Variants in MACROD2 observed in about 807,000 individuals in gnomAD.
MACROD2 encodes mono-ADP ribosylhydrolase 2, also known as ADP-ribose glycohydrolase MACROD2.
Under a neutral mutation model 70.4 loss-of-function variants are expected in MACROD2, and 36 were observed. The observed-to-expected ratio is 0.51, with a 90% CI of 0.39 to 0.68. MACROD2 has a LOEUF of 0.68. MACROD2 is among the 30% of genes least tolerant of loss of function. The pLI, the probability that MACROD2 is intolerant of heterozygous loss-of-function variation, is 0.00. For synonymous variants in MACROD2, 172 were observed against 178.8 expected (o/e 0.96, Z 0.30); for missense variants, 496 against 538.4 (o/e 0.92, Z 0.78).
intron 17 of MACROD2, among the ~76,000 whole-genome samples, chr20:16,045,318 A>G (rs924616810): frequency 6.6e-6 from 1 of 152,184 alleles, no homozygotes; most frequent in Non-Finnish European, 1.5e-5. Context: ...AGTAGAGACT[A>G]AAATATATTT....
At chr20:15,291,423 T>G (rs1358970112) in intron 6 of MACROD2, among the ~76,000 whole-genome samples, 1 of 152,200 alleles carries the variant, frequency 6.6e-6, no homozygotes, top group Admixed American at 6.5e-5. Context: ...ACAGCAGATA[T>G]TATCCATTGA....
intron 8 of MACROD2, among the ~76,000 whole-genome samples, chr20:15,501,973 C>G (rs6034208): frequency 6.6e-6 from 1 of 152,010 alleles, no homozygotes; most frequent in Admixed American, 6.6e-5. Flanking sequence ...TTCATTAATT[C>G]ACTCATTTGA....
chr20:15,780,289 G>A (rs2051808906), intron 8 of MACROD2, among the ~76,000 whole-genome samples: 1 of 152,100 alleles, frequency 6.6e-6, no homozygotes, highest in Admixed American at 6.5e-5. Flanking sequence ...CTTGCCACAT[G>A]AGAGAATAGA....
intron 5 of MACROD2, among the ~76,000 whole-genome samples, chr20:14,774,827 A>G (rs1431485428): frequency 2.0e-5 from 3 of 152,128 alleles, no homozygotes; most frequent in Non-Finnish European, 4.4e-5. Context: ...TTTTGAATTC[A>G]TAGAATTTAG....
At chr20:14,540,639 A>G (rs911702872) in intron 4 of MACROD2, among the ~76,000 whole-genome samples, 1 of 152,186 alleles carries the variant, frequency 6.6e-6, no homozygotes. Context: ...TGAATCTGGC[A>G]TGATGGGTGA....
intron 5 of MACROD2, among the ~76,000 whole-genome samples, chr20:14,925,715 G>T (rs952209443): frequency 3.9e-5 from 6 of 152,156 alleles, no homozygotes; most frequent in African/African-American, 1.4e-4. Flanking sequence ...CTTCTCCACA[G>T]AGTATGACAA....
At position 15,908,147 on chromosome 20, in the gene MACROD2, C is replaced by T. The variant is rs994118625; in HGVS notation, c.775+22336C>T. On this transcript the variant is annotated intron_variant, in intron 10 of 17. Coordinates refer to ENST00000684519, the MANE Select transcript of MACROD2 (RefSeq NM_001351661.2). ...TGTTTTTTGTTTTTTTCCTTTTTGC[C>T]CTGCCAAGAACAAATGTTTGCTTCC... Among the ~76,000 whole-genome samples, 5 of 151,964 alleles carry T rather than the reference C, an allele frequency of 3.3e-5. No individual in the cohort carries two copies. In the South Asian group the frequency reaches 1.0e-3, roughly 32 times the overall value.
intron 4 of MACROD2, among the ~76,000 whole-genome samples, chr20:14,637,176 C>A (rs1276943788): frequency 4.6e-5 from 7 of 152,128 alleles, no homozygotes; most frequent in African/African-American, 1.7e-4. Flanking sequence ...CCATCAAACA[C>A]TTTTGCAGCT....
intron 3 of MACROD2, among the ~76,000 whole-genome samples, chr20:14,382,162 C>T (rs930505185): frequency 1.3e-5 from 2 of 150,496 alleles, no homozygotes; most frequent in African/African-American, 4.9e-5. Context: ...CCAGGGTTCA[C>T]GCCATTCTTC....
intron 6 of MACROD2, among the ~76,000 whole-genome samples, chr20:15,351,297 AG>A (rs1217089451): frequency 6.6e-6 from 1 of 152,170 alleles, no homozygotes; most frequent in African/African-American, 2.4e-5. Flanking sequence ...GATAAACTGG[AG>A]TTTGAATTCC....
chr20:14,287,686 T>G (rs557206648), intron 3 of MACROD2, among the ~76,000 whole-genome samples: 1 of 152,168 alleles, frequency 6.6e-6, no homozygotes, highest in Non-Finnish European at 1.5e-5. Context: ...CAATCAAGGT[T>G]TGAGCCAGGG....
At chr20:15,943,802 TA>T (rs2065783586) in intron 12 of MACROD2, among the ~76,000 whole-genome samples, 2 of 152,106 alleles carry the variant, frequency 1.3e-5, no homozygotes, top group African/African-American at 2.4e-5. Flanking sequence ...ATCATATTTT[TA>T]ATATAAAAAT....
intron 5 of MACROD2, among the ~76,000 whole-genome samples, chr20:14,919,108 T>C (rs774242240): frequency 1.4e-4 from 22 of 152,186 alleles, no homozygotes; most frequent in Non-Finnish European, 2.8e-4. Flanking sequence ...AAACTCTCAC[T>C]CTCTCTGTGT....
intron 6 of MACROD2, among the ~76,000 whole-genome samples, chr20:15,372,149 C>T (rs1262612245): frequency 2.0e-5 from 3 of 152,164 alleles, no homozygotes; most frequent in African/African-American, 7.2e-5. Context: ...TACTAAAGTA[C>T]TTTCCACTCA....
At chr20:14,227,325 T>C (rs1433452918) in intron 3 of MACROD2, among the ~76,000 whole-genome samples, 3 of 152,112 alleles carry the variant, frequency 2.0e-5, no homozygotes, top group African/African-American at 4.8e-5. Flanking sequence ...TGGTGGAAGC[T>C]TTGTTCTTTT....
intron 5 of MACROD2, among the ~76,000 whole-genome samples, chr20:14,892,431 C>T (rs2073774005): frequency 6.6e-6 from 1 of 152,024 alleles, no homozygotes; most frequent in Admixed American, 6.6e-5. Flanking sequence ...CATTGCACTC[C>T]AGCCTCGGCA....
intron 3 of MACROD2, among the ~76,000 whole-genome samples, chr20:14,295,294 A>T (rs2082417771): frequency 6.6e-6 from 1 of 151,942 alleles, no homozygotes; most frequent in Non-Finnish European, 1.5e-5. Context: ...TGTAATAAAA[A>T]ACTAGAAAAT....
At chr20:15,581,072 T>G (rs2146646616) in intron 8 of MACROD2, among the ~76,000 whole-genome samples, 1 of 152,286 alleles carries the variant, frequency 6.6e-6, no homozygotes, top group South Asian at 2.1e-4. Context: ...GTCTGGACTT[T>G]AGGCAGATAA....
At chr20:15,590,282 A>G (rs1426951185) in intron 8 of MACROD2, among the ~76,000 whole-genome samples, 1 of 152,182 alleles carries the variant, frequency 6.6e-6, no homozygotes, top group Non-Finnish European at 1.5e-5. Flanking sequence ...ATCTTCATAA[A>G]AATTTGTGAG....
Sources: gnomAD v4.1 joint callset for allele counts (sites outside exome capture counted in the v4.1 genomes callset) on GRCh38, gnomAD v4.1.1 for gene constraint, MANE v1.5 for transcripts, NCBI Gene and HGNC (gene_info 2026-07-23, HGNC 2026-07-21) for gene names.